Variants in PRDM15 observed in about 807,000 individuals in gnomAD.
PRDM15 encodes PR domain zinc finger protein 15.
Under a neutral mutation model 128.6 loss-of-function variants are expected in PRDM15, and 64 were observed. The observed-to-expected ratio is 0.50, with a 90% confidence interval of 0.41 to 0.61. The LOEUF (loss-of-function observed/expected upper bound fraction) is 0.61. PRDM15 is among the 20% of genes least tolerant of loss of function. The pLI is 0.00. For synonymous variants in PRDM15, 615 were observed against 621.8 expected (o/e 0.99, Z 0.16); for missense variants, 1,242 against 1,569.1 (o/e 0.79, Z 3.52).
Position 41,859,045 on chromosome 21 carries a change from C to G in PRDM15, c.131+547G>C. The G allele has an allele frequency of 6.4e-7, 1 of 1,561,502 alleles. No individual in the cohort carries two copies. The highest frequency in any genetic ancestry group is 8.7e-7 in the Non-Finnish European group (1 of 1,153,028). ...TCCAAGCTCACCTGCCCTGGGCCAC[C>G]AGGTGGCACAGCCTCCCCCAGGTGA... On this transcript the variant is annotated intron_variant, in intron 3 of 23. Coordinates refer to ENST00000398548, the MANE Select transcript of PRDM15 (RefSeq NM_001040424.3). This position sits in a 1 kb window ranked among gnomAD's most constrained non-coding sequence, Gnocchi z 5.3.
Position 41,821,116 on chromosome 21 carries a change from C to A in PRDM15, c.2011G>T (p.Ala671Ser). 1 of 1,614,214 alleles carries A rather than the reference C, an allele frequency of 6.2e-7. No individual in the cohort carries two copies. Among genetic ancestry groups the A allele is most frequent in the Non-Finnish European group, 8.5e-7 (1 of 1,180,034 alleles). Residue 671 changes from alanine (A) to serine (S), a missense_variant, in exon 16 of 24, where the codon GCC becomes TCC. Physicochemically the swap from Ala to Ser is moderately conservative, Grantham distance 99 (BLOSUM62 1). Transcript: ENST00000398548. The surrounding 1 kb of genome is among the most constrained non-coding windows in gnomAD (Gnocchi z 5.4). Reference protein sequence around the residue: ...RRFALKATYHAHMVIHRENLP... With the variant: ...RRFALKATYHSHMVIHRENLP... The stretch of plus-strand genomic sequence containing the variant: ...TTTTCACGGTGGATGACCATGTGGG[C>A]GTGGTAGGTGGCCTTCAGTGCAAAG...
chr21:41,858,966 AC>A, intron 3 of PRDM15: 1 of 1,274,352 alleles, frequency 7.8e-7, no homozygotes, highest in Non-Finnish European at 1.1e-6. Context: ...CAACCACCCC[AC>A]GGGAACTGCC....
chr21:41,861,840 C>T (rs550229683), intron 1 of PRDM15: 1 of 1,577,274 alleles, frequency 6.3e-7, no homozygotes, highest in African/African-American at 1.3e-5. Flanking sequence ...TTCCAATTTG[C>T]CCTTAAAATG....
intron 12 of PRDM15, among the ~76,000 whole-genome samples, chr21:41,827,297 T>A (rs1050591687): frequency 6.6e-6 from 1 of 152,198 alleles, no homozygotes; most frequent in Admixed American, 6.5e-5. Flanking sequence ...CTTGTTTTTT[T>A]AAAAAAGGGA....
Position 41,865,413 on chromosome 21 carries a change from T to C in PRDM15, c.-9-5041A>G, listed in dbSNP as rs550218324. The stretch of plus-strand genomic sequence containing the variant: ...AAGAGGGCAAGGCTTGTGGCAGCCT[T>C]GCACAGTGGGATATACTTGGACCCT... On this transcript the variant is annotated intron_variant, in intron 1 of 23. Transcript: ENST00000398548. Among the ~76,000 whole-genome samples, 5 of 152,278 alleles carry C rather than the reference T, an allele frequency of 3.3e-5. No individual in the cohort carries two copies. In the East Asian group the frequency reaches 5.8e-4, roughly 18 times the overall value.
At chr21:41,874,208 G>A (rs946252032) in intron 1 of PRDM15, among the ~76,000 whole-genome samples, 1 of 151,922 alleles carries the variant, frequency 6.6e-6, no homozygotes, top group East Asian at 1.9e-4. Context: ...GATGAGGCTT[G>A]TGCGACCCTA....
rs1366512990 is a variant in PRDM15 at position 41,822,042 on chromosome 21, A to G, written c.1762-5T>C. The stretch of plus-strand genomic sequence containing the variant: ...GTCATCCATCAACGCGATGTCCTGG[A>G]AAACAGCCACCACTTCCGGTTTCTA... On this transcript the variant is annotated splice_polypyrimidine_tract_variant and splice_region_variant and intron_variant, in intron 14 of 23. Transcript: ENST00000398548. The G allele has an allele frequency of 6.2e-7, 1 of 1,613,840 alleles. No homozygotes were observed. Among genetic ancestry groups the G allele is most frequent in the Non-Finnish European group, 8.5e-7 (1 of 1,180,036 alleles).
intron 21 of PRDM15, among the ~76,000 whole-genome samples, chr21:41,806,060 T>C (rs867633122): frequency 0.04 from 447 of 11,176 alleles, no homozygotes; most frequent in African/African-American, 0.062. Context: ...ACCACCACCA[T>C]CACCATCACC....
rs2064548205 is a variant in PRDM15 at position 41,879,171 on chromosome 21, G to T, written c.-10+99C>A. The T allele has an allele frequency of 1.2e-6, 1 of 838,038 alleles. No individual in the cohort carries two copies. The highest frequency in any genetic ancestry group is 1.4e-6 in the Non-Finnish European group (1 of 696,436). The allele number at this position is 838,038 out of a possible 1,614,324, so 51.9% of individuals were successfully genotyped here. Reference sequence around the variant, plus strand: ...GGGCGCGGGGGGCGGGGGGCAGCGGGCCCAGGGCGCGCCGGGGCTCGCGGG... The same window carrying T: ...GGGCGCGGGGGGCGGGGGGCAGCGGTCCCAGGGCGCGCCGGGGCTCGCGGG... On this transcript the variant is annotated intron_variant, in intron 1 of 23. Transcript: ENST00000398548. The surrounding 1 kb of genome is among the most constrained non-coding windows in gnomAD (Gnocchi z 5.1).
In PRDM15 at chr21:41,847,324, T is replaced by C. The variant is rs573597972; in HGVS notation, c.539-133A>G. The stretch of plus-strand genomic sequence containing the variant: ...GTGATGACGGCAGCAGACGGGCCTG[T>C]GGTCACTCCACATGACAGACACCAT... On this transcript the variant is annotated intron_variant, in intron 5 of 23. Transcript: ENST00000398548. 6.5e-6 allele frequency: 4 copies of C among 616,342 alleles called. No homozygotes were observed. In the East Asian group the frequency reaches 1.1e-4, roughly 17 times the overall value. 38.2% of individuals were successfully genotyped at this position (616,342 alleles called of 1,614,324 possible).
At chr21:41,840,877 C>A (rs961097330) in intron 6 of PRDM15, among the ~76,000 whole-genome samples, 1 of 151,016 alleles carries the variant, frequency 6.6e-6, no homozygotes, top group Admixed American at 6.6e-5. Context: ...AAAAAGGAGG[C>A]CCAAAATAAA....
chr21:41,819,733 G>T (rs769768247), intron 17 of PRDM15, 32 bp from the exon 18 acceptor site: 2 of 1,573,986 alleles, frequency 1.3e-6, no homozygotes, highest in African/African-American at 2.7e-5. Flanking sequence ...ACTCAGAGCC[G>T]AGCAGCTCCG....
intron 16 of PRDM15, 129 bp from the exon 17 acceptor site, chr21:41,820,303 G>A: frequency 2.8e-6 from 2 of 702,260 alleles, no homozygotes; most frequent in Middle Eastern, 2.6e-4. Flanking sequence ...AAAAGAAGCA[G>A]ATATTTGAGC....
chr21:41,837,215 C>T (rs923854152), intron 8 of PRDM15, among the ~76,000 whole-genome samples: 1 of 152,168 alleles, frequency 6.6e-6, no homozygotes, highest in Non-Finnish European at 1.5e-5. Context: ...ACCCAAGAAT[C>T]GTAACTAAAA....
rs1264584565 is a variant in PRDM15, at chr21:41,869,749, A to G, written c.-9-9377T>C. Among the ~76,000 whole-genome samples the G allele has an allele frequency of 2.0e-5, 3 of 152,172 alleles. No homozygotes were observed. The East Asian group carries it at 5.8e-4, about 29-fold the overall frequency. ...CGTGAGCCACCAGGCCCAGCTAGAAAAGTCTTATAAGTATACATCTTACAT... is the reference window on the plus strand; with the variant it reads ...CGTGAGCCACCAGGCCCAGCTAGAAGAGTCTTATAAGTATACATCTTACAT... On this transcript the variant is annotated intron_variant, in intron 1 of 23. Coordinates refer to ENST00000398548, the MANE Select transcript of PRDM15 (RefSeq NM_001040424.3).
In PRDM15 at chr21:41,821,057, C is replaced by G; in HGVS notation, c.2060+10G>C. The G allele has an allele frequency of 6.2e-7, 1 of 1,614,160 alleles. No individual in the cohort carries two copies. The highest frequency in any genetic ancestry group is 8.5e-7 in the Non-Finnish European group (1 of 1,180,000). On this transcript the variant is annotated intron_variant, in intron 16 of 23. Coordinates refer to ENST00000398548, the MANE Select transcript of PRDM15 (RefSeq NM_001040424.3). The surrounding 1 kb of genome is among the most constrained non-coding windows in gnomAD (Gnocchi z 5.4). ...CTGACACAACCCGGGAGCCCCCGAC[C>G]AGGCCTCACTTCTGCACGTTGGGGT...
intron 5 of PRDM15, among the ~76,000 whole-genome samples, chr21:41,853,167 T>C (rs1196950329): frequency 1.3e-5 from 2 of 152,216 alleles, no homozygotes; most frequent in Non-Finnish European, 2.9e-5. Flanking sequence ...GCTGGTGTTT[T>C]ATGGGGGCAG....
rs1449637770 is a variant in PRDM15, at chr21:41,854,271, A to G, written c.538+295T>C. 4.6e-5 allele frequency among the ~76,000 whole-genome samples: 7 copies of G among 152,192 alleles called. No homozygotes were observed. The highest frequency in any genetic ancestry group is 1.0e-4 in the Non-Finnish European group (7 of 68,030). On this transcript the variant is annotated intron_variant, in intron 5 of 23. Transcript: ENST00000398548. This position sits in a 1 kb window ranked among gnomAD's most constrained non-coding sequence, Gnocchi z 4.6. Reference sequence around the variant, plus strand: ...AAGGTGCGCGAGAGTGCGCTCTACCATGCACTCATGACAATGCCATCGCCC... The same window carrying G: ...AAGGTGCGCGAGAGTGCGCTCTACCGTGCACTCATGACAATGCCATCGCCC...
chr21:41,852,794 T>A (rs1158571263), intron 5 of PRDM15, among the ~76,000 whole-genome samples: 1 of 152,116 alleles, frequency 6.6e-6, no homozygotes, highest in Non-Finnish European at 1.5e-5. Flanking sequence ...CATAGTGGGT[T>A]CAATAGTGGC....
Sources: allele counts gnomAD v4.1 joint callset (sites outside exome capture counted in the v4.1 genomes callset), GRCh38; gene constraint gnomAD v4.1.1; non-coding constraint Gnocchi (gnomAD v3.1); transcripts MANE v1.5; gene names NCBI Gene and HGNC (gene_info 2026-07-23, HGNC 2026-07-21).